POLR3B: variants seen among roughly 807,000 people sequenced by gnomAD.
POLR3B encodes DNA-directed RNA polymerase III subunit RPC2.
POLR3B carries 96 observed loss-of-function variants against 147.4 expected under a neutral mutation model. That is an observed-to-expected ratio of 0.65 (90% CI 0.55 to 0.77). The LOEUF is 0.77. Among genes scored for constraint, POLR3B ranks in the 30% least tolerant of loss-of-function variants. POLR3B has a pLI of 0.00. For synonymous variants in POLR3B, 461 were observed against 485.9 expected, an observed-to-expected ratio of 0.95 and a Z score of 0.67; for missense variants, 1,036 against 1,413.5, an observed-to-expected ratio of 0.73 and a Z score of 4.28.
At chr12:106,488,459 T>C (rs960724588) in intron 23 of POLR3B, among the ~76,000 whole-genome samples, 1 of 152,232 alleles carries the variant, frequency 6.6e-6, no homozygotes, top group African/African-American at 2.4e-5. Flanking sequence ...TTAAATTCAT[T>C]TGGGGAGAAA....
At chr12:106,368,302 G>A (rs1438910570) in intron 4 of POLR3B, among the ~76,000 whole-genome samples, 2 of 151,826 alleles carry the variant, frequency 1.3e-5, no homozygotes, top group African/African-American at 2.4e-5. Flanking sequence ...CCAAGACATG[G>A]ACACTAAGAT....
At chr12:106,469,071 A>T (rs949004067) in intron 23 of POLR3B, among the ~76,000 whole-genome samples, 1 of 151,892 alleles carries the variant, frequency 6.6e-6, no homozygotes, top group African/African-American at 2.4e-5. Context: ...ATTTTTTGGG[A>T]GCTTAAGTCT....
At position 106,378,190 on chromosome 12, in the gene POLR3B, C is replaced by T. The variant is rs574693305; in HGVS notation, c.497-77C>T. 16 of 887,816 alleles carry T rather than the reference C, an allele frequency of 1.8e-5. No homozygotes were observed. In the African/African-American group the frequency reaches 2.5e-4, roughly 14 times the overall value. The allele number at this position is 887,816 out of a possible 1,614,324, so 55.0% of individuals were successfully genotyped here. ...GTAGTAGAAAAGGTAATCTCTGATT[C>T]ACAAGATTCCTGCCATTACTAAATC... On this transcript the variant is annotated intron_variant, in intron 7 of 27. Transcript: ENST00000228347.
At chr12:106,453,862 C>T (rs1412989891) in intron 19 of POLR3B, among the ~76,000 whole-genome samples, 1 of 152,096 alleles carries the variant, frequency 6.6e-6, no homozygotes, top group East Asian at 1.9e-4. Flanking sequence ...TGGGCTGTAC[C>T]CTAGATTTCT....
At chr12:106,435,911 C>T (rs1442801421) in intron 16 of POLR3B, among the ~76,000 whole-genome samples, 3 of 152,052 alleles carry the variant, frequency 2.0e-5, no homozygotes, top group Non-Finnish European at 2.9e-5. Context: ...TAGTAGAATG[C>T]GTTGAGTAAC....
intron 21 of POLR3B, among the ~76,000 whole-genome samples, chr12:106,457,624 G>T (rs1189925238): frequency 6.6e-6 from 1 of 152,158 alleles, no homozygotes; most frequent in Non-Finnish European, 1.5e-5. Flanking sequence ...TTAGCTTACA[G>T]ACTACTTTAG....
rs1385289978 is a variant in POLR3B at position 106,504,760 on chromosome 12, G to T, written c.3272+506G>T. ...GTCTGTACTCTCTCTGCCATGGCTA[G>T]CTGCTTCACACTTGTACTGTAGATT... is the stretch of plus-strand genomic sequence containing the variant. On this transcript the variant is annotated intron_variant, in intron 27 of 27. Transcript: ENST00000228347. The surrounding 1 kb of genome is among the most constrained non-coding windows in gnomAD (Gnocchi z 4.6). Among the ~76,000 whole-genome samples, 2 of 152,190 alleles carry T rather than the reference G, an allele frequency of 1.3e-5. No individual in the cohort carries two copies. Among genetic ancestry groups the T allele is most frequent in the African/African-American group, 4.8e-5 (2 of 41,438 alleles).
chr12:106,388,218 G>A (rs1388604524), intron 9 of POLR3B, among the ~76,000 whole-genome samples: 2 of 152,166 alleles, frequency 1.3e-5, no homozygotes, highest in Non-Finnish European at 2.9e-5. Context: ...TATGCTGCCT[G>A]CACTTATGAT....
chr12:106,370,501 A>G (rs1332899442), intron 6 of POLR3B, among the ~76,000 whole-genome samples: 28 of 152,120 alleles, frequency 1.8e-4, no homozygotes, highest in Admixed American at 1.8e-3. Flanking sequence ...ATCCTCCTAT[A>G]CTTCCCTCAA....
At chr12:106,507,843 C>A (rs1375351451) in intron 27 of POLR3B, 3 of 454,246 alleles carry the variant, frequency 6.6e-6, no homozygotes, top group East Asian at 1.4e-4. Flanking sequence ...TTACTGATTG[C>A]AAAAATGATC....
At chr12:106,438,694 G>A (rs1486800145) in intron 18 of POLR3B, among the ~76,000 whole-genome samples, 1 of 152,000 alleles carries the variant, frequency 6.6e-6, no homozygotes, top group East Asian at 1.9e-4. Flanking sequence ...TTGCTTCTCT[G>A]ATTTTAATAC....
At chr12:106,389,131 A>T (rs1221340534) in intron 9 of POLR3B, among the ~76,000 whole-genome samples, 1 of 152,250 alleles carries the variant, frequency 6.6e-6, no homozygotes, top group Non-Finnish European at 1.5e-5. Flanking sequence ...AAAGTAAAAT[A>T]GTTGAGCATT....
intron 23 of POLR3B, among the ~76,000 whole-genome samples, chr12:106,480,707 A>G (rs2038254865): frequency 6.6e-6 from 1 of 152,200 alleles, no homozygotes. Context: ...ACATTTATTT[A>G]TACAAATATT....
At chr12:106,479,839 T>C (rs2038242333) in intron 23 of POLR3B, among the ~76,000 whole-genome samples, 1 of 72,868 alleles carries the variant, frequency 1.4e-5, no homozygotes, top group Admixed American at 1.2e-4. Context: ...CACAGTATCT[T>C]GCTCTGCTCT....
In POLR3B at chr12:106,499,142, A is replaced by G. The variant is rs137931095; in HGVS notation, c.2985-2181A>G. ...TAATGGACCATTTCAGAAATGGTTC[A>G]ATAAAATAATTGTGACCATTTCAGA... On this transcript the variant is annotated intron_variant, in intron 25 of 27. Coordinates refer to ENST00000228347, the MANE Select transcript of POLR3B (RefSeq NM_018082.6). Among the ~76,000 whole-genome samples, 80 of 152,366 alleles carry G rather than the reference A, an allele frequency of 5.3e-4. 1 individual carries two copies. Among genetic ancestry groups the G allele is most frequent in the African/African-American group, 1.8e-3 (74 of 41,586 alleles).
At chr12:106,369,055 G>C (rs1055719546) in intron 4 of POLR3B, among the ~76,000 whole-genome samples, 1 of 152,036 alleles carries the variant, frequency 6.6e-6, no homozygotes, top group African/African-American at 2.4e-5. Context: ...AAAGAGATTT[G>C]TAATATTTTT....
intron 23 of POLR3B, among the ~76,000 whole-genome samples, chr12:106,483,035 C>T (rs759806494): frequency 2.0e-5 from 3 of 152,188 alleles, no homozygotes; most frequent in Non-Finnish European, 4.4e-5. Context: ...ACTAAAGCTT[C>T]TTCAGCCATA....
At chr12:106,401,367 G>A (rs553267247) in intron 10 of POLR3B, among the ~76,000 whole-genome samples, 1 of 151,978 alleles carries the variant, frequency 6.6e-6, no homozygotes, top group South Asian at 2.1e-4. Context: ...AGGACCAGAT[G>A]GATTCTACCA....
chr12:106,372,711 T>C (rs2136892310), intron 6 of POLR3B, among the ~76,000 whole-genome samples: 1 of 152,274 alleles, frequency 6.6e-6, no homozygotes, highest in African/African-American at 2.4e-5. Context: ...CATTATTTTT[T>C]CCCTCCTGAT....
Sources: gnomAD v4.1 joint callset for allele counts (sites outside exome capture counted in the v4.1 genomes callset) on GRCh38, gnomAD v4.1.1 for gene constraint, Gnocchi (gnomAD v3.1) non-coding constraint, MANE v1.5 for transcripts, NCBI Gene and HGNC (gene_info 2026-07-23, HGNC 2026-07-21) for gene names.